Variants in ADAMTS5 observed in about 807,000 individuals in gnomAD.
ADAMTS5 encodes ADAM metallopeptidase with thrombospondin type 1 motif 5.
ADAMTS5 carries 54 observed loss-of-function variants against 81.4 expected under a neutral mutation model. That is an observed-to-expected ratio of 0.66 (90% CI 0.53 to 0.83). The LOEUF is 0.83. ADAMTS5 is among the 40% of genes least tolerant of loss of function. ADAMTS5 has a pLI of 0.00. For missense variants in ADAMTS5, 1,194 were observed against 1,229.9 expected, an observed-to-expected ratio of 0.97 and a Z score of 0.44; for synonymous variants, 532 against 508.8, an observed-to-expected ratio of 1.05 and a Z score of -0.61.
intron 7 of ADAMTS5, among the ~76,000 whole-genome samples, chr21:26,928,363 A>G (rs1986841301): frequency 6.6e-6 from 1 of 152,142 alleles, no homozygotes; most frequent in South Asian, 2.1e-4. Flanking sequence ...GGTCAAACCA[A>G]TTTTCAGGTG....
At chr21:26,953,078 C>A (rs769031294) in intron 2 of ADAMTS5, among the ~76,000 whole-genome samples, 37 of 152,212 alleles carry the variant, frequency 2.4e-4, no homozygotes, top group Non-Finnish European at 4.3e-4. Context: ...ATGATCCCTA[C>A]CCTGGAGCCT....
intron 3 of ADAMTS5, among the ~76,000 whole-genome samples, chr21:26,941,047 C>T (rs987274725): frequency 6.6e-6 from 1 of 152,062 alleles, no homozygotes; most frequent in Non-Finnish European, 1.5e-5. Flanking sequence ...TGAGCTTTGT[C>T]ATTGTGCCAC....
chr21:26,932,157 C>G lies in ADAMTS5; in HGVS notation c.1896G>C (p.Gln632His). Reference protein sequence around the residue: ...PPNGKSFRHEQCEAKNGYQSD... With the variant: ...PPNGKSFRHEHCEAKNGYQSD... ...ACTGATAGCCATTTTTGGCCTCACA[C>G]TGTTCATGACGAAATGATTTACCTA... The change falls in exon 6 of 8, where the codon CAG becomes CAC. Residue 632 changes from glutamine to histidine, a missense_variant. Physicochemically the swap from Gln to His is conservative, Grantham distance 24. Coordinates refer to ENST00000284987, the MANE Select transcript of ADAMTS5 (RefSeq NM_007038.5). 6.2e-7 allele frequency: 1 copy of G among 1,613,724 alleles called. No individual in the cohort carries two copies.
chr21:26,964,288 C>G (rs1419134839), intron 1 of ADAMTS5, among the ~76,000 whole-genome samples: 1 of 152,190 alleles, frequency 6.6e-6, no homozygotes, highest in Non-Finnish European at 1.5e-5. Flanking sequence ...AGGCCCCAAA[C>G]CAACCCAGAC....
At position 26,966,120 on chromosome 21, in the gene ADAMTS5, A is replaced by G; in HGVS notation, c.272T>C (p.Val91Ala). The change falls in exon 1 of 8, where the codon GTC becomes GCC. Residue 91 changes from valine (V) to alanine (A), a missense_variant. By Grantham distance (64) the Val-to-Ala change is moderately conservative (BLOSUM62 0). Transcript: ENST00000284987. Reference protein sequence around the residue: ...YSGGGKVGYLVYAGGRRFLLD... With the variant: ...YSGGGKVGYLAYAGGRRFLLD... ...GAGGAACCTCCGGCCGCCCGCGTAGACGAGGTAGCCCACCTTGCCGCCGCC... is the reference window on the plus strand; with the variant it reads ...GAGGAACCTCCGGCCGCCCGCGTAGGCGAGGTAGCCCACCTTGCCGCCGCC... The G allele has an allele frequency of 6.2e-7, 1 of 1,612,628 alleles. No homozygotes were observed. Among genetic ancestry groups the G allele is most frequent in the South Asian group, 1.1e-5 (1 of 91,074 alleles).
chr21:26,929,864 G>C (rs1601000399), intron 7 of ADAMTS5, 22 bp downstream of exon 7: 1 of 1,605,914 alleles, frequency 6.2e-7, no homozygotes, highest in African/African-American at 1.3e-5. Flanking sequence ...TTCACATAAA[G>C]ACAAAGGTTC....
At chr21:26,956,422 T>C (rs887861545) in intron 1 of ADAMTS5, among the ~76,000 whole-genome samples, 1 of 152,226 alleles carries the variant, frequency 6.6e-6, no homozygotes, top group African/African-American at 2.4e-5. Flanking sequence ...CAAAGTTTCC[T>C]GTATATCCTC....
At chr21:26,925,720 A>T (rs537518300) in intron 7 of ADAMTS5, among the ~76,000 whole-genome samples, 27 of 152,300 alleles carry the variant, frequency 1.8e-4, no homozygotes, top group African/African-American at 6.3e-4. Context: ...GTTCTCATTC[A>T]CATGCTAAAA....
rs748186564 is a variant in ADAMTS5 at position 26,924,375 on chromosome 21, G to T, written c.2471C>A (p.Ser824Tyr). The T allele has an allele frequency of 6.3e-5, 101 of 1,614,038 alleles. No individual in the cohort carries two copies. The highest frequency in any genetic ancestry group is 8.3e-5 in the Non-Finnish European group (98 of 1,179,954). ...CACTATTAGAATTTCCTTCGTGGCA[G>T]AGTAGCCCATGCCATGCAGGAAGTC... ...RDDFLHGMGY[S>Y]ATKEILIVQI... The change falls in exon 8 of 8, where the codon TCT (serine) becomes TAT (tyrosine). Residue 824 changes from serine (S) to tyrosine (Y), a missense_variant. By Grantham distance (144) the Ser-to-Tyr change is moderately radical. Coordinates refer to ENST00000284987, the MANE Select transcript of ADAMTS5 (RefSeq NM_007038.5).
chr21:26,949,351 T>A (rs946547665), intron 2 of ADAMTS5, among the ~76,000 whole-genome samples: 3 of 151,928 alleles, frequency 2.0e-5, no homozygotes, highest in African/African-American at 4.8e-5. Flanking sequence ...ACCACCACCC[T>A]TGGCTAATTT....
chr21:26,954,986 G>A, intron 1 of ADAMTS5, 115 bp from the exon 2 acceptor site: 1 of 1,299,716 alleles, frequency 7.7e-7, no homozygotes, highest in Non-Finnish European at 1.0e-6. Flanking sequence ...GGTATCACCT[G>A]TTCCTCTCTG....
intron 1 of ADAMTS5, among the ~76,000 whole-genome samples, chr21:26,964,694 T>C (rs189749463): frequency 1.3e-5 from 2 of 152,288 alleles, no homozygotes; most frequent in Non-Finnish European, 2.9e-5. Context: ...TCCCAGGAAC[T>C]GAGATTCCAA....
Position 26,935,540 on chromosome 21 carries a change from CT to C in ADAMTS5, c.1406-792del, listed in dbSNP as rs1338852403. Among the ~76,000 whole-genome samples the C allele has an allele frequency of 2.0e-5, 3 of 152,162 alleles. No individual in the cohort carries two copies. The East Asian group carries it at 5.8e-4, about 29-fold the overall frequency. The stretch of plus-strand genomic sequence containing the variant: ...TTAGGATTAAGTTAGTCTTTATACT[CT>C]TTGCTTTATGTCTATTTAATGGAAT... On this transcript the variant is annotated intron_variant, in intron 3 of 7. Transcript: ENST00000284987.
At chr21:26,936,029 G>T (rs1023257760) in intron 3 of ADAMTS5, among the ~76,000 whole-genome samples, 8 of 152,138 alleles carry the variant, frequency 5.3e-5, no homozygotes, top group Non-Finnish European at 1.0e-4. Context: ...GCCCATAGGA[G>T]GCAGACCAGT....
rs1329407197 is a variant in ADAMTS5 at position 26,965,412 on chromosome 21, C to T, written c.980G>A (p.Ser327Asn). ...KVVVLGDKDK[S>N]LEVSKNAATT... The stretch of plus-strand genomic sequence containing the variant: ...GGCAGCGTTCTTGCTCACTTCCAGG[C>T]TCTTGTCCTTGTCGCCTAGCACCAC... Residue 327 changes from serine to asparagine, a missense_variant, in exon 1 of 8, where the codon AGC becomes AAC. Physicochemically the swap from Ser to Asn is conservative, Grantham distance 46. Coordinates refer to ENST00000284987, the MANE Select transcript of ADAMTS5 (RefSeq NM_007038.5). 18 of 1,614,258 alleles carry T rather than the reference C, an allele frequency of 1.1e-5. No homozygotes were observed. Among genetic ancestry groups the T allele is most frequent in the Non-Finnish European group, 1.5e-5 (18 of 1,180,046 alleles).
At chr21:26,951,341 A>T (rs1362154163) in intron 2 of ADAMTS5, among the ~76,000 whole-genome samples, 1 of 152,150 alleles carries the variant, frequency 6.6e-6, no homozygotes, top group Non-Finnish European at 1.5e-5. Flanking sequence ...CACTGTTTGC[A>T]TAAAGGAAAT....
rs1021548542 is a variant in ADAMTS5 at position 26,924,624 on chromosome 21, G to C, written c.2226-4C>G. On this transcript the variant is annotated splice_region_variant and splice_polypyrimidine_tract_variant and intron_variant, in intron 7 of 7. Transcript: ENST00000284987. The stretch of plus-strand genomic sequence containing the variant: ...CACCACGTCAGTGTAACCCTTACTG[G>C]AAGTAGGAATGTTCACAGGAAGTGG... 6.3e-7 allele frequency: 1 copy of C among 1,597,254 alleles called. No homozygotes were observed. The highest frequency in any genetic ancestry group is 1.3e-5 in the African/African-American group (1 of 74,218).
chr21:26,965,587 C>T lies in ADAMTS5; in HGVS notation c.805G>A (p.Val269Met). 6.2e-7 allele frequency: 1 copy of T among 1,605,702 alleles called. No individual in the cohort carries two copies. Among genetic ancestry groups the T allele is most frequent in the Admixed American group, 1.7e-5 (1 of 59,640 alleles). ...RRRSISRARQ[V>M]ELLLVADASM... ...GCGTCAGCCACCAGAAGCAGCTCCA[C>T]CTGGCGGGCCCGGGAGATGGAGCGG... The change falls in exon 1 of 8, where the codon GTG becomes ATG. Residue 269 changes from valine (V) to methionine (M), a missense_variant. Val to Met is a conservative substitution (Grantham distance 21). Around this residue, in one of 2 missense-constraint regions of ADAMTS5, gnomAD observed 498 missense variants for 412.3 expected, o/e 1.21. Transcript: ENST00000284987.
chr21:26,953,316 A>T (rs1987356539), intron 2 of ADAMTS5, among the ~76,000 whole-genome samples: 1 of 152,180 alleles, frequency 6.6e-6, no homozygotes, highest in South Asian at 2.1e-4. Flanking sequence ...ACACTGAATT[A>T]TTCTCAGTGA....
Sources: gnomAD v4.1 joint callset for allele counts (sites outside exome capture counted in the v4.1 genomes callset) on GRCh38, gnomAD v4.1.1 for gene constraint, gnomAD v4.1.1 regional missense constraint, MANE v1.5 for transcripts, NCBI Gene and HGNC (gene_info 2026-07-23, HGNC 2026-07-21) for gene names.